The following PPARA variants were observed in gnomAD, a reference collection of about 807,000 sequenced individuals.
The protein encoded by PPARA is peroxisome proliferator-activated receptor alpha.
In PPARA, 22 loss-of-function variants were observed where a neutral mutation model predicts 42.2. That is an observed-to-expected ratio of 0.52 (90% CI 0.37 to 0.74). The LOEUF (loss-of-function observed/expected upper bound fraction) is 0.74, where lower values mean the gene tolerates loss of function less well. PPARA is among the 30% of genes least tolerant of loss of function. PPARA has a pLI of 0.00. For missense variants in PPARA, 465 were observed against 608.2 expected (o/e 0.76, Z 2.48); for synonymous variants, 242 against 239.3 (o/e 1.01, Z -0.10).
intron 3 of PPARA, among the ~76,000 whole-genome samples, chr22:46,189,703 A>ATT (rs1055492161): frequency 5.7e-5 from 8 of 140,978 alleles, no homozygotes; most frequent in African/African-American, 1.8e-4. Flanking sequence ...CTTTCTTTCT[A>ATT]TTTTTTTTCT....
Position 46,240,498 on chromosome 22 carries a change from T to C in PPARA, c.*5118T>C. On this transcript the variant is annotated 3_prime_UTR_variant, in exon 9 of 9. Transcript: ENST00000407236. This position sits in a 1 kb window ranked among gnomAD's most constrained non-coding sequence, Gnocchi z 6.0. ...CCCTCTGCAGTTAGCATGGTTGGCC[T>C]GATGCAGGGATCCCGAGGGATTACT... 1 of 380,652 alleles carries C rather than the reference T, an allele frequency of 2.6e-6. No homozygotes were observed. The highest frequency in any genetic ancestry group is 4.6e-6 in the Non-Finnish European group (1 of 215,248). 23.6% of individuals were successfully genotyped at this position (380,652 alleles called of 1,614,324 possible).
intron 4 of PPARA, among the ~76,000 whole-genome samples, chr22:46,198,954 C>T (rs1213574230): frequency 6.6e-6 from 1 of 152,104 alleles, no homozygotes; most frequent in Non-Finnish European, 1.5e-5. Context: ...CCACCGCGCC[C>T]GGCCGAAAAC....
At chr22:46,194,820 C>T (rs915126482) in intron 3 of PPARA, among the ~76,000 whole-genome samples, 6 of 150,764 alleles carry the variant, frequency 4.0e-5, no homozygotes, top group Admixed American at 3.3e-4. Flanking sequence ...GTGATCAGCC[C>T]ACCTCAGCCT....
chr22:46,173,775 G>A lies in PPARA; in HGVS notation c.-126-2978G>A, dbSNP rs1928456264. Among the ~76,000 whole-genome samples, 1 of 152,174 alleles carries A rather than the reference G, an allele frequency of 6.6e-6. No homozygotes were observed. The highest frequency in any genetic ancestry group is 1.5e-5 in the Non-Finnish European group (1 of 68,034). ...TCTGTTAAATTAACAGAAGCGAAGTGTTCTGTGGTGTGTAGGAGCACACTG... is the reference window on the plus strand; with the variant it reads ...TCTGTTAAATTAACAGAAGCGAAGTATTCTGTGGTGTGTAGGAGCACACTG... On this transcript the variant is annotated intron_variant, in intron 2 of 8. Coordinates refer to ENST00000407236, the MANE Select transcript of PPARA (RefSeq NM_005036.6). The surrounding 1 kb of genome is among the most constrained non-coding windows in gnomAD (Gnocchi z 4.3).
rs1934984489 is a variant in PPARA, at chr22:46,221,317, A to G, written c.711+1303A>G. On this transcript the variant is annotated intron_variant, in intron 7 of 8. Coordinates refer to ENST00000407236, the MANE Select transcript of PPARA (RefSeq NM_005036.6). This position sits in a 1 kb window ranked among gnomAD's most constrained non-coding sequence, Gnocchi z 5.9. ...CCTCCACCACTGGGGATTACAGTTC[A>G]CCATGAGATTTGGGTGGGGACACAG... 6.6e-6 allele frequency among the ~76,000 whole-genome samples: 1 copy of G among 152,186 alleles called. No individual in the cohort carries two copies. Among genetic ancestry groups the G allele is most frequent in the African/African-American group, 2.4e-5 (1 of 41,454 alleles).
chr22:46,238,886 G>A lies in PPARA; in HGVS notation c.*3506G>A, dbSNP rs1244260583. 3 of 152,380 alleles carry A rather than the reference G, an allele frequency of 2.0e-5. No homozygotes were observed. The highest frequency in any genetic ancestry group is 7.2e-5 in the African/African-American group (3 of 41,474). 9.4% of individuals were successfully genotyped at this position (152,380 alleles called of 1,614,324 possible). On this transcript the variant is annotated 3_prime_UTR_variant, in exon 9 of 9. Transcript: ENST00000407236. The surrounding 1 kb of genome is among the most constrained non-coding windows in gnomAD (Gnocchi z 8.3). ...TCAAAACAAGATGCTTCCAGTTACA[G>A]CGGCAGGAGCGGGACTGGGAGCACG...
intron 7 of PPARA, among the ~76,000 whole-genome samples, chr22:46,228,333 G>A (rs1234510750): frequency 6.6e-6 from 1 of 152,172 alleles, no homozygotes; most frequent in Non-Finnish European, 1.5e-5. Flanking sequence ...TCGGGAGTTT[G>A]AGACCAGCCT....
At position 46,201,880 on chromosome 22, in the gene PPARA, T is replaced by C. The variant is rs115003839; in HGVS notation, c.208+3289T>C. On this transcript the variant is annotated intron_variant, in intron 4 of 8. Coordinates refer to ENST00000407236, the MANE Select transcript of PPARA (RefSeq NM_005036.6). ...CTATTTATTAGAAAAATCTTTTCCT[T>C]ATGGATTTGAAAAGATTTATCTTGC... Among the ~76,000 whole-genome samples, 981 of 152,324 alleles carry C rather than the reference T, an allele frequency of 6.4e-3. 17 individuals carry two copies. The highest frequency in any genetic ancestry group is 0.023 in the African/African-American group (941 of 41,578).
chr22:46,200,452 G>A lies in PPARA; in HGVS notation c.208+1861G>A, dbSNP rs1162635773. ...ACGGCGTAGGCCCCTGTGACACAAT[G>A]GTAAGTATTTGTGCGTCTAAACATA... On this transcript the variant is annotated intron_variant, in intron 4 of 8. Coordinates refer to ENST00000407236, the MANE Select transcript of PPARA (RefSeq NM_005036.6). The surrounding 1 kb of genome is among the most constrained non-coding windows in gnomAD (Gnocchi z 4.8). Among the ~76,000 whole-genome samples, 1 of 152,232 alleles carries A rather than the reference G, an allele frequency of 6.6e-6. No individual in the cohort carries two copies. The highest frequency in any genetic ancestry group is 1.5e-5 in the Non-Finnish European group (1 of 68,044).
In PPARA at chr22:46,242,839, C is replaced by T. The variant is rs1426423203; in HGVS notation, c.*7459C>T. ...TTCCCTTTACCACACTGTATATGCA[C>T]AGAGCACAAGAGAGGCTATCTCTAG... On this transcript the variant is annotated 3_prime_UTR_variant, in exon 9 of 9. Coordinates refer to ENST00000407236, the MANE Select transcript of PPARA (RefSeq NM_005036.6). This position sits in a 1 kb window ranked among gnomAD's most constrained non-coding sequence, Gnocchi z 6.1. 1.3e-5 allele frequency: 2 copies of T among 152,482 alleles called. No individual in the cohort carries two copies. Among genetic ancestry groups the T allele is most frequent in the African/African-American group, 4.8e-5 (2 of 41,388 alleles). The allele number at this position is 152,482 out of a possible 1,614,324, so 9.4% of individuals were successfully genotyped here.
chr22:46,197,819 G>A (rs1436855980), intron 3 of PPARA, among the ~76,000 whole-genome samples: 1 of 151,944 alleles, frequency 6.6e-6, no homozygotes. Context: ...CAGGAGAATT[G>A]CTTGAACCCG....
intron 7 of PPARA, among the ~76,000 whole-genome samples, chr22:46,228,530 C>T (rs1435236073): frequency 2.0e-5 from 3 of 151,658 alleles, no homozygotes; most frequent in Non-Finnish European, 2.9e-5. Context: ...AGCGAGACTC[C>T]GTCTCAAAAA....
chr22:46,159,723 TG>T (rs1490033891), intron 2 of PPARA, among the ~76,000 whole-genome samples: 1 of 152,078 alleles, frequency 6.6e-6, no homozygotes, highest in East Asian at 1.9e-4. Flanking sequence ...ATCTTGAAGG[TG>T]GGACTCAAAG....
At position 46,198,545 on chromosome 22, in the gene PPARA, C is replaced by T; in HGVS notation, c.162C>T (p.Tyr54=). 6.2e-7 allele frequency: 1 copy of T among 1,613,970 alleles called. No homozygotes were observed. The highest frequency in any genetic ancestry group is 8.5e-7 in the Non-Finnish European group (1 of 1,179,946). ...DSSGSFGFTE[Y]QYLGSCPGSD... The stretch of plus-strand genomic sequence containing the variant: ...CTGGAAGCTTTGGCTTTACGGAATA[C>T]CAGTATTTAGGAAGCTGTCCTGGCT... The change falls in exon 4 of 9, where the codon TAC becomes TAT. Residue 54 remains tyrosine (Y), a synonymous_variant. Coordinates refer to ENST00000407236, the MANE Select transcript of PPARA (RefSeq NM_005036.6).
rs894209978 is a variant in PPARA at position 46,222,197 on chromosome 22, G to A, written c.711+2183G>A. ...CTCATGGTTCGTCCCCCACATCCCC[G>A]CCTGCCTGGCCTAAGTCCTCCTTCC... On this transcript the variant is annotated intron_variant, in intron 7 of 8. Transcript: ENST00000407236. The surrounding 1 kb of genome is among the most constrained non-coding windows in gnomAD (Gnocchi z 5.9). Among the ~76,000 whole-genome samples the A allele has an allele frequency of 3.4e-5, 5 of 146,998 alleles. No individual in the cohort carries two copies. Among genetic ancestry groups the A allele is most frequent in the African/African-American group, 7.6e-5 (3 of 39,378 alleles).
chr22:46,209,984 A>G (rs1201734113), intron 4 of PPARA, among the ~76,000 whole-genome samples: 1 of 152,174 alleles, frequency 6.6e-6, no homozygotes, highest in Admixed American at 6.5e-5. Flanking sequence ...GGTTCAAACA[A>G]TCCTCCAGCC....
intron 2 of PPARA, among the ~76,000 whole-genome samples, chr22:46,159,211 G>T (rs1240886717): frequency 6.6e-6 from 1 of 151,948 alleles, no homozygotes; most frequent in Admixed American, 6.6e-5. Flanking sequence ...TCTGTGCATT[G>T]GGGATGAAAT....
At position 46,193,743 on chromosome 22, in the gene PPARA, C is replaced by T. The variant is rs755982742; in HGVS notation, c.-42-4599C>T. ...ACAGAAGCCCTACCTTTTCCCAACACCCTATCCACCTGTCCCTCACCTCTC... is the reference window on the plus strand; with the variant it reads ...ACAGAAGCCCTACCTTTTCCCAACATCCTATCCACCTGTCCCTCACCTCTC... On this transcript the variant is annotated intron_variant, in intron 3 of 8. Coordinates refer to ENST00000407236, the MANE Select transcript of PPARA (RefSeq NM_005036.6). The surrounding 1 kb of genome is among the most constrained non-coding windows in gnomAD (Gnocchi z 5.3). 6.6e-6 allele frequency among the ~76,000 whole-genome samples: 1 copy of T among 152,210 alleles called. No individual in the cohort carries two copies. The highest frequency in any genetic ancestry group is 1.5e-5 in the Non-Finnish European group (1 of 68,032).
In PPARA at chr22:46,214,918, G is replaced by T. The variant is rs4253732; in HGVS notation, c.209-255G>T. Among the ~76,000 whole-genome samples the T allele has an allele frequency of 6.7e-3, 1,027 of 152,252 alleles. 13 individuals carry two copies. The highest frequency in any genetic ancestry group is 0.021 in the African/African-American group (875 of 41,552). On this transcript the variant is annotated intron_variant, in intron 4 of 8. Transcript: ENST00000407236. ...GGTCCAGGGATGTGTGATCTGAGGT[G>T]TGTGGGTCCGGAGCTCGGGGTCAGC...
Sources: allele counts gnomAD v4.1 joint callset (sites outside exome capture counted in the v4.1 genomes callset), GRCh38; gene constraint gnomAD v4.1.1; non-coding constraint Gnocchi (gnomAD v3.1); transcripts MANE v1.5; gene names NCBI Gene and HGNC (gene_info 2026-07-23, HGNC 2026-07-21).